PAK5: variants seen among roughly 807,000 people sequenced by gnomAD.
The protein encoded by PAK5 is p21 (RAC1) activated kinase 5, also known as serine/threonine-protein kinase PAK 5.
A neutral mutation model predicts 65.9 loss-of-function variants in PAK5; 16 were observed. That is an observed-to-expected ratio of 0.24 (90% CI 0.16 to 0.37). The LOEUF is 0.37. Among genes scored for constraint, PAK5 ranks in the 10% least tolerant of loss-of-function variants. PAK5 has a pLI of 1.00. For missense variants in PAK5, 785 were observed against 903.9 expected (o/e 0.87, Z 1.69); for synonymous variants, 371 against 354.9 (o/e 1.05, Z -0.51).
At chr20:9,709,453 A>G (rs1247680122) in intron 2 of PAK5, among the ~76,000 whole-genome samples, 1 of 152,140 alleles carries the variant, frequency 6.6e-6, no homozygotes, top group Non-Finnish European at 1.5e-5. Context: ...AATTGTACTG[A>G]TTGATGGTTT....
chr20:9,754,340 G>T (rs192950140), intron 1 of PAK5, among the ~76,000 whole-genome samples: 319 of 152,198 alleles, frequency 2.1e-3, no homozygotes, highest in Admixed American at 6.9e-3. Flanking sequence ...GATTTGGTGG[G>T]TAGGGGGCCA....
chr20:9,773,931 T>C (rs1420928137), intron 1 of PAK5, among the ~76,000 whole-genome samples: 3 of 152,138 alleles, frequency 2.0e-5, no homozygotes, highest in African/African-American at 7.2e-5. Context: ...CTGTTCCCTA[T>C]TGCTGTTTTC....
intron 1 of PAK5, among the ~76,000 whole-genome samples, chr20:9,756,899 C>T (rs571898439): frequency 3.9e-5 from 6 of 152,070 alleles, no homozygotes; most frequent in Non-Finnish European, 8.8e-5. Flanking sequence ...AGGGAAAGTC[C>T]GTAGTGTCAA....
intron 3 of PAK5, among the ~76,000 whole-genome samples, chr20:9,619,718 T>C (rs1216162281): frequency 1.3e-5 from 2 of 152,244 alleles, no homozygotes; most frequent in Non-Finnish European, 2.9e-5. Context: ...CTATTTTTCC[T>C]TCCAGGGGAT....
At chr20:9,596,237 A>G (rs1476400459) in intron 3 of PAK5, among the ~76,000 whole-genome samples, 3 of 152,162 alleles carry the variant, frequency 2.0e-5, no homozygotes, top group African/African-American at 2.4e-5. Context: ...GAGCAGGTCA[A>G]TCAACTAGGG....
At chr20:9,554,747 A>T (rs1656340874) in intron 7 of PAK5, among the ~76,000 whole-genome samples, 1 of 152,154 alleles carries the variant, frequency 6.6e-6, no homozygotes, top group African/African-American at 2.4e-5. Context: ...TTTCCTACAG[A>T]TACTGGAGAA....
intron 2 of PAK5, among the ~76,000 whole-genome samples, chr20:9,687,938 G>A (rs568800479): frequency 5.9e-5 from 9 of 152,088 alleles, no homozygotes; most frequent in Admixed American, 1.3e-4. Context: ...CTGTGTGTAT[G>A]TGTGTAGGGA....
intron 1 of PAK5, among the ~76,000 whole-genome samples, chr20:9,749,759 C>A (rs1397399452): frequency 6.6e-6 from 1 of 152,172 alleles, no homozygotes; most frequent in Non-Finnish European, 1.5e-5. Context: ...TAAATCAATT[C>A]ATTGCTTCCT....
intron 2 of PAK5, among the ~76,000 whole-genome samples, chr20:9,709,153 T>G (rs1370922032): frequency 6.6e-6 from 1 of 152,236 alleles, no homozygotes; most frequent in Non-Finnish European, 1.5e-5. Flanking sequence ...TCTCTCCAGC[T>G]AATCAAAGAG....
intron 1 of PAK5, among the ~76,000 whole-genome samples, chr20:9,783,079 G>A (rs1466128030): frequency 1.3e-5 from 2 of 151,908 alleles, no homozygotes; most frequent in Admixed American, 1.3e-4. Flanking sequence ...ACAGGCATAT[G>A]CCATGTGCCA....
chr20:9,572,008 G>A (rs1603220347), intron 4 of PAK5, among the ~76,000 whole-genome samples: 1 of 151,368 alleles, frequency 6.6e-6, no homozygotes, highest in Non-Finnish European at 1.5e-5. Flanking sequence ...GCAAGAATTG[G>A]ACCAGAACAT....
intron 3 of PAK5, among the ~76,000 whole-genome samples, chr20:9,640,775 C>T (rs4816156): frequency 0.35 from 52,259 of 151,348 alleles, 10,464 homozygotes; most frequent in South Asian, 0.63. Flanking sequence ...TGTTACAGCT[C>T]TTAAGACAGC....
chr20:9,778,123 T>C (rs1234501237), intron 1 of PAK5, among the ~76,000 whole-genome samples: 2 of 152,234 alleles, frequency 1.3e-5, no homozygotes, highest in East Asian at 1.9e-4. Context: ...TTTTAATTCA[T>C]TGATTTGGGT....
chr20:9,821,575 C>A (rs1057248455), intron 1 of PAK5, among the ~76,000 whole-genome samples: 1 of 152,114 alleles, frequency 6.6e-6, no homozygotes, highest in Non-Finnish European at 1.5e-5. Context: ...CTATCCTAAA[C>A]GACCTCAACT....
chr20:9,542,819 C>A, intron 8 of PAK5, 99 bp from the exon 9 acceptor site: 1 of 1,003,796 alleles, frequency 1.0e-6, no homozygotes, highest in South Asian at 1.5e-5. Flanking sequence ...GTGACTATGG[C>A]ACTTGTAACC....
At chr20:9,555,744 T>C (rs2045496442) in intron 7 of PAK5, among the ~76,000 whole-genome samples, 1 of 152,190 alleles carries the variant, frequency 6.6e-6, no homozygotes, top group South Asian at 2.1e-4. Flanking sequence ...ACTCCTTGAG[T>C]CTGGTCTTGA....
chr20:9,597,546 G>C (rs1407077836), intron 3 of PAK5, among the ~76,000 whole-genome samples: 1 of 152,226 alleles, frequency 6.6e-6, no homozygotes, highest in Admixed American at 6.5e-5. Context: ...TGATGCAAAA[G>C]TGGTTCCAAT....
intron 2 of PAK5, among the ~76,000 whole-genome samples, chr20:9,659,540 C>CAA (rs2047315646): frequency 6.6e-6 from 1 of 152,120 alleles, no homozygotes; most frequent in Non-Finnish European, 1.5e-5. Flanking sequence ...AATAAGTTGT[C>CAA]AAGCTGTCCA....
chr20:9,571,867 T>A (rs2045787886), intron 4 of PAK5, among the ~76,000 whole-genome samples: 2 of 66,662 alleles, frequency 3.0e-5, no homozygotes, highest in Non-Finnish European at 5.1e-5. Flanking sequence ...GAGATAGGCA[T>A]GAATGATGGG....
Sources: gnomAD v4.1 joint callset for allele counts (sites outside exome capture counted in the v4.1 genomes callset) on GRCh38, gnomAD v4.1.1 for gene constraint, MANE v1.5 for transcripts, NCBI Gene and HGNC (gene_info 2026-07-23, HGNC 2026-07-21) for gene names.